MINDY2: variants seen among roughly 807,000 people sequenced by gnomAD.
MINDY2 encodes ubiquitin carboxyl-terminal hydrolase MINDY-2.
A neutral mutation model predicts 68.2 loss-of-function variants in MINDY2; 52 were observed. The observed-to-expected ratio is 0.76, with a 90% CI of 0.61 to 0.96. The LOEUF (loss-of-function observed/expected upper bound fraction) is 0.96. Among genes scored for constraint, MINDY2 ranks in the 40% least tolerant of loss-of-function variants. The pLI is 0.00. For missense variants in MINDY2, 881 were observed against 773.4 expected (o/e 1.14, Z -1.65); for synonymous variants, 372 against 303.0 (o/e 1.23, Z -2.36).
At chr15:58,801,368 G>A (rs1595726183) in intron 2 of MINDY2, among the ~76,000 whole-genome samples, 1 of 88,066 alleles carries the variant, frequency 1.1e-5, no homozygotes, top group Non-Finnish European at 2.0e-5. Flanking sequence ...AACATGGCAA[G>A]ACCCCATCTC....
At chr15:58,843,786 T>C (rs1459600197) in intron 6 of MINDY2, among the ~76,000 whole-genome samples, 2 of 125,506 alleles carry the variant, frequency 1.6e-5, no homozygotes, top group Admixed American at 2.1e-4. Context: ...GTGAGCCAAG[T>C]CACGCCACTG....
intron 6 of MINDY2, among the ~76,000 whole-genome samples, chr15:58,834,744 A>G (rs1254800074): frequency 6.6e-6 from 1 of 152,226 alleles, no homozygotes; most frequent in East Asian, 1.9e-4. Flanking sequence ...GTCGTGAATT[A>G]CATCTTCATA....
At chr15:58,785,014 A>G (rs182084521) in intron 1 of MINDY2, among the ~76,000 whole-genome samples, 1 of 152,108 alleles carries the variant, frequency 6.6e-6, no homozygotes, top group Non-Finnish European at 1.5e-5. Flanking sequence ...ATTCTTAGCC[A>G]ACTATCTCAT....
chr15:58,810,387 A>C lies in MINDY2; in HGVS notation c.1121A>C (p.Gln374Pro). 1 of 1,562,164 alleles carries C rather than the reference A, an allele frequency of 6.4e-7. No homozygotes were observed. The highest frequency in any genetic ancestry group is 2.3e-5 in the East Asian group (1 of 43,082). The change falls in exon 4 of 9, where the codon CAG (glutamine) becomes CCG (proline). Residue 374 changes from glutamine (Q) to proline (P), a missense_variant and splice_region_variant. Coordinates refer to ENST00000559228, the MANE Select transcript of MINDY2 (RefSeq NM_001040450.3). ...TACCATGGGTGGTTAGTAGACCCTC[A>C]GGTAAGTCGAAGAATTTAAATTATG... is the stretch of plus-strand genomic sequence containing the variant. ...PLYHGWLVDP[Q>P]IDDIVKAVGN...
In MINDY2 at chr15:58,852,972, A is replaced by ATTTTTTTTTTTTTTTTTTTTTTTT. The variant is rs1567079858; in HGVS notation, c.1737+1007_1737+1008insTTTTTTTTTTTTTTTTTTTTTTTT. On this transcript the variant is annotated intron_variant, in intron 8 of 8. Transcript: ENST00000559228. ...TTTTTTTTTTTTTTTTTTTTTTTTA[A>ATTTTTTTTTTTTTTTTTTTTTTTT]GACAGAGTCTCACTCTGTTGCCCAG... 1.0e-3 allele frequency among the ~76,000 whole-genome samples: 18 copies of ATTTTTTTTTTTTTTTTTTTTTTTT among 17,272 alleles called. 7 individuals carry two copies. Among genetic ancestry groups the ATTTTTTTTTTTTTTTTTTTTTTTT allele is most frequent in the South Asian group, 5.6e-3 (4 of 714 alleles). 11.3% of individuals were successfully genotyped at this position (17,272 alleles called of 152,430 possible).
intron 2 of MINDY2, among the ~76,000 whole-genome samples, chr15:58,789,714 C>A (rs1365559928): frequency 6.6e-6 from 1 of 152,076 alleles, no homozygotes; most frequent in East Asian, 1.9e-4. Flanking sequence ...ATGGCGTGAT[C>A]TCAGCTCACC....
intron 6 of MINDY2, among the ~76,000 whole-genome samples, chr15:58,844,141 T>C (rs991480687): frequency 2.0e-5 from 3 of 152,190 alleles, no homozygotes; most frequent in Admixed American, 6.5e-5. Flanking sequence ...GAAATATTCT[T>C]GATAGTGATT....
chr15:58,787,795 A>G lies in MINDY2; in HGVS notation c.841-111A>G, dbSNP rs561422405. 2.2e-5 allele frequency: 12 copies of G among 545,468 alleles called. No individual in the cohort carries two copies. In the East Asian group the frequency reaches 3.9e-4, roughly 18 times the overall value. 33.8% of individuals were successfully genotyped at this position (545,468 alleles called of 1,614,324 possible). On this transcript the variant is annotated intron_variant, in intron 1 of 8. Transcript: ENST00000559228. ...TTCTAATATATGTGAATGTTAATGT[A>G]TAAGTATAGTAGATACATAATTAGA... is the stretch of plus-strand genomic sequence containing the variant.
chr15:58,787,627 C>T (rs1465333722), intron 1 of MINDY2, among the ~76,000 whole-genome samples: 2 of 151,154 alleles, frequency 1.3e-5, no homozygotes, highest in Admixed American at 1.3e-4. Flanking sequence ...GTCCCAGCTA[C>T]TCGGAAGGCT....
chr15:58,773,435 G>C (rs2140883564), intron 1 of MINDY2, among the ~76,000 whole-genome samples: 1 of 152,222 alleles, frequency 6.6e-6, no homozygotes, highest in East Asian at 1.9e-4. Flanking sequence ...GCCATTGTCT[G>C]GTGCATAATG....
At chr15:58,790,597 A>G (rs535902359) in intron 2 of MINDY2, among the ~76,000 whole-genome samples, 1 of 152,190 alleles carries the variant, frequency 6.6e-6, no homozygotes, top group African/African-American at 2.4e-5. Context: ...GTGGGGGGTA[A>G]GACAAGTGGG....
At chr15:58,801,754 C>T (rs1327961917) in intron 2 of MINDY2, among the ~76,000 whole-genome samples, 6 of 152,172 alleles carry the variant, frequency 3.9e-5, no homozygotes, top group Non-Finnish European at 7.3e-5. Context: ...ATTCTTCTGC[C>T]TCAGCCTCCC....
chr15:58,786,985 A>G (rs1901546053), intron 1 of MINDY2, among the ~76,000 whole-genome samples: 2 of 152,034 alleles, frequency 1.3e-5, no homozygotes, highest in African/African-American at 4.8e-5. Flanking sequence ...ATGCGCCACC[A>G]TGCCCAGCTA....
At chr15:58,784,620 CTTTTTTTTT>C (rs777455607) in intron 1 of MINDY2, among the ~76,000 whole-genome samples, 3 of 129,876 alleles carry the variant, frequency 2.3e-5, no homozygotes. Flanking sequence ...TCTTTCTTTC[CTTTTTTTTT>C]TTTTTTTTGA....
At chr15:58,826,648 A>G (rs559315957) in intron 5 of MINDY2, among the ~76,000 whole-genome samples, 9 of 152,304 alleles carry the variant, frequency 5.9e-5, no homozygotes, top group African/African-American at 1.9e-4. Context: ...ATTCTCCTAT[A>G]TAATCACAAT....
intron 5 of MINDY2, among the ~76,000 whole-genome samples, chr15:58,825,015 T>C (rs925755450): frequency 6.6e-6 from 1 of 152,192 alleles, no homozygotes. Flanking sequence ...TAAAGTAATC[T>C]GCTTTCATTT....
At chr15:58,849,378 A>G (rs2032703273) in intron 7 of MINDY2, among the ~76,000 whole-genome samples, 1 of 151,830 alleles carries the variant, frequency 6.6e-6, no homozygotes, top group Admixed American at 6.6e-5. Flanking sequence ...GGTGGCACGC[A>G]CCTGTAGTCT....
chr15:58,842,247 G>A (rs2032320976), intron 6 of MINDY2, among the ~76,000 whole-genome samples: 1 of 151,996 alleles, frequency 6.6e-6, no homozygotes, highest in Admixed American at 6.6e-5. Context: ...TTTTGAGGTT[G>A]GTTGTTTTGT....
At chr15:58,823,159 C>T (rs1266310493) in intron 5 of MINDY2, among the ~76,000 whole-genome samples, 82 of 130,298 alleles carry the variant, frequency 6.3e-4, no homozygotes, top group African/African-American at 2.2e-3. Flanking sequence ...TTTTTTGATA[C>T]GGAGTTTCAC....
Sources: gnomAD v4.1 joint callset for allele counts (sites outside exome capture counted in the v4.1 genomes callset) on GRCh38, gnomAD v4.1.1 for gene constraint, MANE v1.5 for transcripts, NCBI Gene and HGNC (gene_info 2026-07-23, HGNC 2026-07-21) for gene names.